EYS: variants seen among roughly 807,000 people sequenced by gnomAD.
EYS encodes EGF-like photoreceptor maintenance factor, also known as protein eyes shut homolog.
A neutral mutation model predicts 282.1 loss-of-function variants in EYS; 250 were observed. The ratio of observed to expected loss-of-function variants is 0.89; its 90% CI spans 0.80 to 0.98. The LOEUF (loss-of-function observed/expected upper bound fraction) is 0.98. Ranked by LOEUF, EYS falls within the 50% of genes least tolerant of loss-of-function variation. EYS has a pLI of 0.00. For synonymous variants in EYS, 1,355 were observed against 1,282.9 expected (o/e 1.06, Z -1.20); for missense variants, 4,016 against 3,709.0 (o/e 1.08, Z -2.15).
chr6:63,729,998 G>T (rs565450502), intron 41 of EYS, among the ~76,000 whole-genome samples: 1 of 151,846 alleles, frequency 6.6e-6, no homozygotes, highest in Non-Finnish European at 1.5e-5. Flanking sequence ...GAGTTATATC[G>T]AACTTAACAT....
At chr6:64,085,334 G>GACACACACACACA (rs1562192666) in intron 31 of EYS, among the ~76,000 whole-genome samples, 10 of 69,644 alleles carry the variant, frequency 1.4e-4, no homozygotes, top group African/African-American at 6.7e-4. Flanking sequence ...GTGCGCACGT[G>GACACACACACACA]CGCGCGCACA....
intron 5 of EYS, among the ~76,000 whole-genome samples, chr6:65,442,450 T>C (rs563607107): frequency 6.6e-6 from 1 of 152,088 alleles, no homozygotes; most frequent in African/African-American, 2.4e-5. Context: ...ACTACTGTTT[T>C]TCATAAATTT....
At chr6:64,096,228 C>A (rs1301246433) in intron 31 of EYS, among the ~76,000 whole-genome samples, 1 of 152,040 alleles carries the variant, frequency 6.6e-6, no homozygotes, top group African/African-American at 2.4e-5. Context: ...CAATTATTTT[C>A]TTGAAGTTGC....
At chr6:65,593,780 A>C (rs1287532702) in intron 2 of EYS, among the ~76,000 whole-genome samples, 3 of 151,876 alleles carry the variant, frequency 2.0e-5, no homozygotes, top group African/African-American at 7.2e-5. Flanking sequence ...CTCTTTAGGA[A>C]GTGTTTCTGT....
chr6:63,755,350 C>T (rs1050263375), intron 41 of EYS, among the ~76,000 whole-genome samples: 27 of 152,276 alleles, frequency 1.8e-4, no homozygotes, highest in African/African-American at 6.5e-4. Context: ...CTACATGTGG[C>T]TAGCCAGTTT....
intron 26 of EYS, among the ~76,000 whole-genome samples, chr6:64,493,344 A>G (rs1409737561): frequency 6.6e-6 from 1 of 151,480 alleles, no homozygotes. Context: ...ATCTGCTCAC[A>G]TCTAGAAAAG....
At chr6:65,126,685 T>G (rs1775729232) in intron 12 of EYS, among the ~76,000 whole-genome samples, 1 of 152,278 alleles carries the variant, frequency 6.6e-6, no homozygotes, top group Non-Finnish European at 1.5e-5. Context: ...GGAATACTAG[T>G]TAGTAATGAA....
At chr6:65,041,458 C>A (rs1400840249) in intron 13 of EYS, among the ~76,000 whole-genome samples, 1 of 151,664 alleles carries the variant, frequency 6.6e-6, no homozygotes, top group African/African-American at 2.4e-5. Context: ...AAACCATGCA[C>A]CCTTGATCTT....
At chr6:65,619,134 T>C (rs538214318) in intron 2 of EYS, among the ~76,000 whole-genome samples, 57 of 152,012 alleles carry the variant, frequency 3.7e-4, no homozygotes, top group African/African-American at 1.3e-3. Context: ...ATCTGCAAAT[T>C]ACCTTGGGCA....
In EYS at chr6:65,700,032, G is replaced by A. The variant is rs1052913934; in HGVS notation, c.-448+7103C>T. Among the ~76,000 whole-genome samples the A allele has an allele frequency of 7.5e-5, 11 of 146,950 alleles. No individual in the cohort carries two copies. In the East Asian group the frequency reaches 1.2e-3, roughly 16 times the overall value. On this transcript the variant is annotated intron_variant, in intron 1 of 42. Transcript: ENST00000503581. ...CGGGAGGCTGAGGCAGGAGAATGGC[G>A]TGAACCCGGGAGGCAGAGCTTGCAG...
intron 2 of EYS, among the ~76,000 whole-genome samples, chr6:65,638,924 C>G (rs1767185233): frequency 6.6e-6 from 1 of 152,206 alleles, no homozygotes; most frequent in South Asian, 2.1e-4. Context: ...GAACTCAAGA[C>G]AGCAGTGTTG....
At chr6:65,102,860 G>A (rs1195406812) in intron 12 of EYS, among the ~76,000 whole-genome samples, 2 of 151,154 alleles carry the variant, frequency 1.3e-5, no homozygotes, top group Non-Finnish European at 3.0e-5. Flanking sequence ...TGTTTTATTA[G>A]GATATAATTA....
intron 22 of EYS, among the ~76,000 whole-genome samples, chr6:64,708,894 A>C (rs946834523): frequency 1.3e-5 from 2 of 152,166 alleles, no homozygotes; most frequent in African/African-American, 2.4e-5. Flanking sequence ...AACTTTAGCA[A>C]TCTAACATGC....
intron 12 of EYS, among the ~76,000 whole-genome samples, chr6:65,063,835 T>G (rs1243898998): frequency 2.0e-5 from 3 of 151,958 alleles, no homozygotes; most frequent in Admixed American, 2.0e-4. Flanking sequence ...ACTTTCAAAG[T>G]TGGCAGAAGA....
chr6:64,244,984 C>G (rs577197414), intron 30 of EYS, among the ~76,000 whole-genome samples: 5 of 121,414 alleles, frequency 4.1e-5, no homozygotes, highest in South Asian at 3.3e-4. Flanking sequence ...TCCCTCCCCC[C>G]ACCCCACGAC....
chr6:65,012,978 G>A lies in EYS; in HGVS notation c.2138-15275C>T, dbSNP rs201628820. ...CTTTTTCTGAAACTATTATGAGATT[G>A]AAATGTATTATAAGTAATACATTTC... On this transcript the variant is annotated intron_variant, in intron 13 of 42. Transcript: ENST00000503581. 1.2e-4 allele frequency among the ~76,000 whole-genome samples: 18 copies of A among 152,012 alleles called. No individual in the cohort carries two copies. The East Asian group carries it at 3.3e-3, about 28-fold the overall frequency.
chr6:64,394,542 A>G (rs1317714797), intron 28 of EYS, among the ~76,000 whole-genome samples: 2 of 152,172 alleles, frequency 1.3e-5, no homozygotes, highest in African/African-American at 2.4e-5. Flanking sequence ...ATGATTCCCT[A>G]TTTAATAAAT....
At chr6:64,748,886 C>T (rs957157202) in intron 22 of EYS, among the ~76,000 whole-genome samples, 2 of 152,212 alleles carry the variant, frequency 1.3e-5, no homozygotes, top group African/African-American at 4.8e-5. Context: ...AATTCCCCTG[C>T]CCCAGCCTCC....
rs1411117698 is a variant in EYS, at chr6:63,958,336, T to C, written c.7055+26047A>G. ...TAAATACAGATTATGAAATAAACTA[T>C]AGAGGAAGAAAATCTGGCAATGGAA... On this transcript the variant is annotated intron_variant, in intron 35 of 42. Coordinates refer to ENST00000503581, the MANE Select transcript of EYS (RefSeq NM_001142800.2). Among the ~76,000 whole-genome samples, 4 of 140,996 alleles carry C rather than the reference T, an allele frequency of 2.8e-5. 1 individual carries two copies. Among genetic ancestry groups the C allele is most frequent in the African/African-American group, 9.7e-5 (4 of 41,128 alleles). The allele number at this position is 140,996 out of a possible 152,430, so 92.5% of individuals were successfully genotyped here.
Sources: gnomAD v4.1 joint callset for allele counts (sites outside exome capture counted in the v4.1 genomes callset) on GRCh38, gnomAD v4.1.1 for gene constraint, MANE v1.5 for transcripts, NCBI Gene and HGNC (gene_info 2026-07-23, HGNC 2026-07-21) for gene names.